Variants in ZSCAN25 observed in about 807,000 individuals in gnomAD.
ZSCAN25 encodes zinc finger and SCAN domain containing 25.
In ZSCAN25, 27 loss-of-function variants were observed where a neutral mutation model predicts 38.7. The observed-to-expected ratio is 0.70, with a 90% CI of 0.51 to 0.96. The LOEUF (loss-of-function observed/expected upper bound fraction) is 0.96. Among genes scored for constraint, ZSCAN25 ranks in the 40% least tolerant of loss-of-function variants. ZSCAN25 has a pLI of 0.00. For synonymous variants in ZSCAN25, 273 were observed against 277.7 expected, an observed-to-expected ratio of 0.98 and a Z score of 0.17; for missense variants, 637 against 705.9, an observed-to-expected ratio of 0.90 and a Z score of 1.11.
chr7:99,686,617 G>A, the ZSCAN25 span, among the ~76,000 whole-genome samples: 1 of 152,232 alleles, frequency 6.6e-6, no homozygotes, highest in Non-Finnish European at 1.5e-5. Context: ...AGTAACCTCT[G>A]CAGACTTAAA....
the ZSCAN25 span, chr7:99,709,035 C>T: frequency 1.2e-6 from 2 of 1,613,918 alleles, no homozygotes; most frequent in Non-Finnish European, 1.7e-6. Context: ...GGCCTCCTAC[C>T]TTTCAGGGAG....
chr7:99,630,942 A>G lies in ZSCAN25; in HGVS notation c.*922A>G, dbSNP rs988154909. On this transcript the variant is annotated 3_prime_UTR_variant, in exon 8 of 8. Transcript: ENST00000394152. ...AATGCCCTATATTTGATGGCACTTT[A>G]TAGTTCATAAAATTAATTTCACCCC... 10 of 960,624 alleles carry G rather than the reference A, an allele frequency of 1.0e-5. 1 individual carries two copies. In the South Asian group the frequency reaches 3.8e-4, roughly 37 times the overall value. The allele number at this position is 960,624 out of a possible 1,614,324, so 59.5% of individuals were successfully genotyped here.
At chr7:99,730,875 G>A in the ZSCAN25 span, 1 of 706,538 alleles carries the variant, frequency 1.4e-6, no homozygotes, top group African/African-American at 1.8e-5. Context: ...GCAAACTTGA[G>A]GTTCCTGAGA....
At chr7:99,663,448 G>C in the ZSCAN25 span, 20 of 989,634 alleles carry the variant, frequency 2.0e-5, no homozygotes, top group Non-Finnish European at 2.4e-5. Flanking sequence ...AGCTGAGTTA[G>C]CCAGCCTTGC....
the ZSCAN25 span, among the ~76,000 whole-genome samples, chr7:99,666,220 C>T: frequency 1.3e-5 from 2 of 152,190 alleles, no homozygotes; most frequent in Non-Finnish European, 2.9e-5. Flanking sequence ...CCCATTGTAA[C>T]TTTCCCATCT....
At chr7:99,736,363 A>G in the ZSCAN25 span, among the ~76,000 whole-genome samples, 4 of 152,312 alleles carry the variant, frequency 2.6e-5, no homozygotes, top group South Asian at 4.1e-4. Context: ...TGGAATTGGA[A>G]TTCAAAGCAA....
At chr7:99,677,139 C>T in the ZSCAN25 span, 1 of 981,620 alleles carries the variant, frequency 1.0e-6, no homozygotes, top group African/African-American at 1.7e-5. Context: ...GGCAGGCCTG[C>T]CTGGAACTCA....
rs946782089 is a variant in ZSCAN25 at position 99,616,985 on chromosome 7, A to T, written c.-290A>T. On this transcript the variant is annotated 5_prime_UTR_variant, in exon 1 of 8. Transcript: ENST00000394152. ...GACCGCGGATAGCACTGGCGACCCT[A>T]GCGGGTGAGAGGCCCTTCAGGGCCG... 1 of 152,182 alleles carries T rather than the reference A, an allele frequency of 6.6e-6. No individual in the cohort carries two copies. The highest frequency in any genetic ancestry group is 2.4e-5 in the African/African-American group (1 of 41,448). 9.4% of individuals were successfully genotyped at this position (152,182 alleles called of 1,614,324 possible).
the ZSCAN25 span, chr7:99,648,444 G>C: frequency 2.2e-6 from 3 of 1,340,710 alleles, no homozygotes; most frequent in Non-Finnish European, 3.0e-6. Context: ...TAAATGAAGT[G>C]AAAGAAGAAA....
chr7:99,715,720 A>G, the ZSCAN25 span: 1 of 1,613,298 alleles, frequency 6.2e-7, no homozygotes, highest in Non-Finnish European at 8.5e-7. Flanking sequence ...GTTATTTTTA[A>G]GAGAGAGGGA....
At chr7:99,663,981 T>C in the ZSCAN25 span, 1 of 1,585,814 alleles carries the variant, frequency 6.3e-7, no homozygotes, top group Non-Finnish European at 8.5e-7. Flanking sequence ...TTGTTTGTCG[T>C]TGAGGCGACT....
chr7:99,695,503 C>G, the ZSCAN25 span, among the ~76,000 whole-genome samples: 3 of 152,164 alleles, frequency 2.0e-5, no homozygotes, highest in African/African-American at 4.8e-5. Flanking sequence ...ACATCAAGTT[C>G]TGAACATCAG....
At chr7:99,714,541 C>T in the ZSCAN25 span, 1 of 1,612,100 alleles carries the variant, frequency 6.2e-7, no homozygotes, top group Non-Finnish European at 8.5e-7. Flanking sequence ...CCTATAACTA[C>T]CACCACGTTT....
chr7:99,686,471 A>T, the ZSCAN25 span, among the ~76,000 whole-genome samples: 20 of 152,170 alleles, frequency 1.3e-4, no homozygotes, highest in African/African-American at 4.8e-4. Flanking sequence ...GGTGCCTGCC[A>T]TTGCCCAGAC....
chr7:99,697,941 T>A, the ZSCAN25 span, among the ~76,000 whole-genome samples: 6 of 152,200 alleles, frequency 3.9e-5, no homozygotes, highest in African/African-American at 1.4e-4. Flanking sequence ...ATCTCTCAGG[T>A]CAGGACAAAC....
chr7:99,707,001 T>C, the ZSCAN25 span, among the ~76,000 whole-genome samples: 1 of 152,148 alleles, frequency 6.6e-6, no homozygotes, highest in Non-Finnish European at 1.5e-5. Context: ...TATATGATAA[T>C]AGCCTCCAGT....
At chr7:99,695,804 A>G in the ZSCAN25 span, 175 of 1,613,660 alleles carry the variant, frequency 1.1e-4, 1 homozygote, top group Non-Finnish European at 1.4e-4. Context: ...TGGAATGCCA[A>G]GCTTCTTAAA....
At chr7:99,715,368 C>T in the ZSCAN25 span, 3 of 250,518 alleles carry the variant, frequency 1.2e-5, no homozygotes, top group East Asian at 3.0e-4. Flanking sequence ...CGGAGAAGGG[C>T]AAACTAAGCC....
the ZSCAN25 span, among the ~76,000 whole-genome samples, chr7:99,689,394 T>G: frequency 6.6e-6 from 1 of 151,942 alleles, no homozygotes; most frequent in East Asian, 1.9e-4. Context: ...AACACCTATA[T>G]GCAAATAAAC....
Sources: allele counts gnomAD v4.1 joint callset (sites outside exome capture counted in the v4.1 genomes callset), GRCh38; gene constraint gnomAD v4.1.1; transcripts MANE v1.5; gene names NCBI Gene and HGNC (gene_info 2026-07-23, HGNC 2026-07-21).